SPECC1: variants seen among roughly 807,000 people sequenced by gnomAD.
SPECC1 encodes sperm antigen with calponin homology and coiled-coil domains 1.
SPECC1 carries 62 observed loss-of-function variants against 104.1 expected under a neutral mutation model. That is an observed-to-expected ratio of 0.60 (90% CI 0.49 to 0.74). The LOEUF is 0.74. Ranked by LOEUF, SPECC1 falls within the 30% of genes least tolerant of loss-of-function variation. The pLI, the probability that SPECC1 is intolerant of heterozygous loss-of-function variation, is 0.00. For missense variants in SPECC1, 1,306 were observed against 1,310.5 expected, an observed-to-expected ratio of 1.00 and a Z score of 0.05; for synonymous variants, 513 against 501.6, an observed-to-expected ratio of 1.02 and a Z score of -0.30.
chr17:20,112,472 C>T (rs1263340827), intron 3 of SPECC1: 29 of 765,672 alleles, frequency 3.8e-5, no homozygotes, highest in Admixed American at 1.7e-5. Context: ...CAAGTCAGAA[C>T]TGCGATGCCA....
rs1364131936 is a variant in SPECC1, at chr17:20,232,221, C to T, written c.2167C>T (p.Arg723Trp). 17 of 1,613,940 alleles carry T rather than the reference C, an allele frequency of 1.1e-5. No individual in the cohort carries two copies. The highest frequency in any genetic ancestry group is 1.7e-5 in the Admixed American group (1 of 60,008). The change falls in exon 7 of 15, where the codon CGG becomes TGG. Residue 723 changes from arginine to tryptophan, a missense_variant. By Grantham distance (101) the Arg-to-Trp change is moderately radical (BLOSUM62 -3). Around this residue, in one of 2 missense-constraint regions of SPECC1, gnomAD observed 1,177 missense variants for 1,139.9 expected, o/e 1.03. Coordinates refer to ENST00000395527, the MANE Select transcript of SPECC1 (RefSeq NM_001243439.2). The stretch of plus-strand genomic sequence containing the variant: ...TCAGGAGGAGACCGAGGAATGGAGG[C>T]GGTTCCAGGCGGATCTGCAGACCGC... ...QMKEETEEWR[R>W]FQADLQTAVV...
intron 12 of SPECC1, among the ~76,000 whole-genome samples, chr17:20,285,509 A>G (rs768587487): frequency 6.6e-5 from 10 of 152,304 alleles, no homozygotes; most frequent in East Asian, 1.9e-4. Context: ...ACTTTCATCA[A>G]AAAGTTCCAT....
At position 20,269,494 on chromosome 17, in the gene SPECC1, C is replaced by T. The variant is rs139843071; in HGVS notation, c.2940+9200C>T. On this transcript the variant is annotated intron_variant, in intron 12 of 14. Transcript: ENST00000395527. ...AGGCTGGAGTGCAATGGCACCATCT[C>T]GGCTCACCACAACCTCCGCTCCCGG... Among the ~76,000 whole-genome samples, 218 of 152,276 alleles carry T rather than the reference C, an allele frequency of 1.4e-3. 1 individual carries two copies. Among genetic ancestry groups the T allele is most frequent in the African/African-American group, 5.1e-3 (212 of 41,546 alleles).
chr17:20,170,799 G>T (rs1037492579), intron 3 of SPECC1, among the ~76,000 whole-genome samples: 2 of 151,852 alleles, frequency 1.3e-5, no homozygotes, highest in Non-Finnish European at 2.9e-5. Flanking sequence ...TTAAGATTAC[G>T]GTTTATGATA....
chr17:20,193,205 G>T (rs1158589970), intron 3 of SPECC1, among the ~76,000 whole-genome samples: 3 of 152,194 alleles, frequency 2.0e-5, no homozygotes, highest in Non-Finnish European at 4.4e-5. Flanking sequence ...GGTCACTCTT[G>T]TGGCCATCTT....
intron 1 of SPECC1, among the ~76,000 whole-genome samples, chr17:20,062,250 C>T (rs1391985492): frequency 2.9e-5 from 4 of 138,534 alleles, no homozygotes; most frequent in Admixed American, 2.3e-4. Flanking sequence ...AAGACTCTGT[C>T]GTCAAAAAAA....
In SPECC1 at chr17:20,232,204, A is replaced by T; in HGVS notation, c.2150A>T (p.Glu717Val). 1 of 1,613,914 alleles carries T rather than the reference A, an allele frequency of 6.2e-7. No individual in the cohort carries two copies. The highest frequency in any genetic ancestry group is 8.5e-7 in the Non-Finnish European group (1 of 1,180,036). The change falls in exon 7 of 15, where the codon GAG becomes GTG. Residue 717 changes from glutamate to valine, a missense_variant. Glu to Val is a moderately radical substitution (Grantham distance 121). Around this residue, in one of 2 missense-constraint regions of SPECC1, gnomAD observed 1,177 missense variants for 1,139.9 expected, o/e 1.03. Transcript: ENST00000395527. ...GATGGGCTCTGACATTTTCAGGAGGAGACCGAGGAATGGAGGCGGTTCCAG... is the reference window on the plus strand; with the variant it reads ...GATGGGCTCTGACATTTTCAGGAGGTGACCGAGGAATGGAGGCGGTTCCAG... ...LKTLTKQMKE[E>V]TEEWRRFQAD...
At chr17:20,030,808 T>TTTCACCTTCATTTCCTGCCC (rs1165228938) in intron 1 of SPECC1, among the ~76,000 whole-genome samples, 1 of 152,122 alleles carries the variant, frequency 6.6e-6, no homozygotes, top group Non-Finnish European at 1.5e-5. Context: ...GATGTCTTTA[T>TTTCACCTTCATTTCCTGCCC]TTCACCTTCA....
chr17:20,186,591 C>G (rs1391471202), intron 3 of SPECC1, among the ~76,000 whole-genome samples: 3 of 152,210 alleles, frequency 2.0e-5, no homozygotes, highest in Non-Finnish European at 4.4e-5. Context: ...GAGACAGGGT[C>G]TCACTCCCAT....
At chr17:20,044,934 T>C (rs1358378621) in intron 1 of SPECC1, among the ~76,000 whole-genome samples, 1 of 152,256 alleles carries the variant, frequency 6.6e-6, no homozygotes, top group Non-Finnish European at 1.5e-5. Flanking sequence ...GCATGTGTGC[T>C]GTGTGTGTTT....
chr17:20,238,430 T>A, intron 7 of SPECC1: 1 of 1,042,120 alleles, frequency 9.6e-7, no homozygotes, highest in East Asian at 5.8e-5. Flanking sequence ...CATGAGGAAC[T>A]GGTTCACAGT....
intron 1 of SPECC1, among the ~76,000 whole-genome samples, chr17:20,085,365 G>A (rs917045379): frequency 3.3e-5 from 5 of 152,216 alleles, no homozygotes; most frequent in African/African-American, 1.2e-4. Context: ...GGGGGCAGCG[G>A]AAGTGCTGTT....
chr17:20,278,131 A>G (rs1453397707), intron 12 of SPECC1, among the ~76,000 whole-genome samples: 2 of 151,786 alleles, frequency 1.3e-5, no homozygotes. Context: ...TAGCTGTATT[A>G]TTTGTCCTCC....
intron 3 of SPECC1, among the ~76,000 whole-genome samples, chr17:20,151,520 G>A (rs375829722): frequency 6.6e-6 from 1 of 152,090 alleles, no homozygotes; most frequent in East Asian, 1.9e-4. Flanking sequence ...TTTTTTTATA[G>A]TCATCACAGG....
intron 1 of SPECC1, among the ~76,000 whole-genome samples, chr17:20,022,405 C>T (rs1317386705): frequency 6.6e-6 from 1 of 152,168 alleles, no homozygotes; most frequent in African/African-American, 2.4e-5. Flanking sequence ...TAGACATTAG[C>T]CCCTTGTTGA....
chr17:20,153,021 C>T (rs2032154766), intron 3 of SPECC1, among the ~76,000 whole-genome samples: 1 of 152,144 alleles, frequency 6.6e-6, no homozygotes, highest in Admixed American at 6.5e-5. Context: ...CCCTTATGAC[C>T]TCATTTAACC....
At position 20,317,473 on chromosome 17, in the gene SPECC1, G is replaced by C. The variant is rs1470161369; in HGVS notation, c.*3408G>C. 1.1e-5 allele frequency: 2 copies of C among 180,906 alleles called. No individual in the cohort carries two copies. The highest frequency in any genetic ancestry group is 1.2e-5 in the Non-Finnish European group (1 of 85,030). The allele number at this position is 180,906 out of a possible 1,614,324, so 11.2% of individuals were successfully genotyped here. ...ACAGTTTCACCATGTTGGCCAGGCT[G>C]GTCTTGAACTCCTGACCTCAAGTGA... On this transcript the variant is annotated 3_prime_UTR_variant, in exon 15 of 15. Coordinates refer to ENST00000395527, the MANE Select transcript of SPECC1 (RefSeq NM_001243439.2).
At chr17:20,248,468 C>T (rs1260591690) in intron 9 of SPECC1, among the ~76,000 whole-genome samples, 1 of 152,160 alleles carries the variant, frequency 6.6e-6, no homozygotes, top group African/African-American at 2.4e-5. Flanking sequence ...TGTATTTGAC[C>T]TGTTCCAGCA....
chr17:20,088,637 G>C (rs746460780), intron 1 of SPECC1, among the ~76,000 whole-genome samples: 39 of 152,204 alleles, frequency 2.6e-4, no homozygotes, highest in South Asian at 1.0e-3. Context: ...GATGAGAACC[G>C]CAAGTTTCAT....
Sources: allele counts gnomAD v4.1 joint callset (sites outside exome capture counted in the v4.1 genomes callset), GRCh38; gene constraint gnomAD v4.1.1; regional missense constraint gnomAD v4.1.1; transcripts MANE v1.5; gene names NCBI Gene and HGNC (gene_info 2026-07-23, HGNC 2026-07-21).